The following DPP6 variants were observed in gnomAD, a reference collection of about 807,000 sequenced individuals.
DPP6 encodes the protein dipeptidyl peptidase like 6, also known as A-type potassium channel modulatory protein DPP6.
A neutral mutation model predicts 122.6 loss-of-function variants in DPP6; 69 were observed. The ratio of observed to expected loss-of-function variants is 0.56; its 90% CI spans 0.46 to 0.69. The LOEUF is 0.69. DPP6 is among the 30% of genes least tolerant of loss of function. DPP6 has a pLI of 0.00. For synonymous variants in DPP6, 418 were observed against 433.1 expected, an observed-to-expected ratio of 0.97 and a Z score of 0.43; for missense variants, 928 against 1,116.9, an observed-to-expected ratio of 0.83 and a Z score of 2.41.
intron 1 of DPP6, among the ~76,000 whole-genome samples, chr7:153,919,820 AT>A (rs1211300905): frequency 6.6e-6 from 1 of 152,184 alleles, no homozygotes; most frequent in African/African-American, 2.4e-5. Flanking sequence ...TGTATTTTAG[AT>A]TGGGGAAATC....
At chr7:154,643,763 T>G (rs1836266852) in intron 6 of DPP6, among the ~76,000 whole-genome samples, 1 of 152,176 alleles carries the variant, frequency 6.6e-6, no homozygotes, top group African/African-American at 2.4e-5. Context: ...GTGAGGATTT[T>G]TAACACTACC....
intron 23 of DPP6, among the ~76,000 whole-genome samples, chr7:154,888,087 CTTTT>C (rs532540671): frequency 8.4e-6 from 1 of 118,936 alleles, no homozygotes; most frequent in Non-Finnish European, 1.7e-5. Context: ...GGAGAGTGAG[CTTTT>C]TTTTTTTTTT....
intron 3 of DPP6, among the ~76,000 whole-genome samples, chr7:154,498,373 C>T (rs1054714811): frequency 6.6e-6 from 1 of 152,190 alleles, no homozygotes; most frequent in Admixed American, 6.5e-5. Context: ...GAGTCTCGCT[C>T]TCTCACCTAG....
chr7:154,474,698 C>A (rs764686519), intron 2 of DPP6, among the ~76,000 whole-genome samples: 17 of 152,284 alleles, frequency 1.1e-4, no homozygotes, highest in Non-Finnish European at 1.9e-4. Flanking sequence ...TGATCACTTA[C>A]ATGCTGCAGG....
intron 10 of DPP6, among the ~76,000 whole-genome samples, chr7:154,778,767 C>T (rs1179218481): frequency 6.6e-6 from 1 of 150,416 alleles, no homozygotes; most frequent in Non-Finnish European, 1.5e-5. Context: ...ACCACCAGCT[C>T]CACCACCATC....
intron 1 of DPP6, among the ~76,000 whole-genome samples, chr7:153,999,131 T>C (rs1449184171): frequency 6.6e-6 from 1 of 152,186 alleles, no homozygotes; most frequent in African/African-American, 2.4e-5. Context: ...TGGGCACCAC[T>C]TGAGTTGAGT....
intron 1 of DPP6, among the ~76,000 whole-genome samples, chr7:154,061,299 C>T (rs573569516): frequency 1.3e-5 from 2 of 148,914 alleles, no homozygotes; most frequent in African/African-American, 4.9e-5. Flanking sequence ...AGAAAATCTT[C>T]TGGCAGCCCC....
rs114869026 is a variant in DPP6 at position 154,823,010 on chromosome 7, A to G, written c.1666+15898A>G. 8.3e-3 allele frequency among the ~76,000 whole-genome samples: 1,263 copies of G among 152,282 alleles called. 21 individuals are homozygous for G. The highest frequency in any genetic ancestry group is 0.029 in the African/African-American group (1,186 of 41,554). On this transcript the variant is annotated intron_variant, in intron 16 of 25. Transcript: ENST00000377770. ...AATAAAAGCTGCACTACCATACTAT[A>G]CTTTGGGGCCAATGCAGACCTAGGT...
the DPP6 span, among the ~76,000 whole-genome samples, chr7:153,818,489 T>C: frequency 1.3e-5 from 2 of 152,124 alleles, no homozygotes; most frequent in Non-Finnish European, 2.9e-5. Flanking sequence ...GATGATATTA[T>C]AGACTACTAC....
intron 1 of DPP6, among the ~76,000 whole-genome samples, chr7:154,253,221 GCAA>G (rs143303547): frequency 0.039 from 5,925 of 152,222 alleles, 187 homozygotes; most frequent in East Asian, 0.13. Flanking sequence ...AGAAAAGAGG[GCAA>G]CAAGTCAGCT....
rs139345576 is a variant in DPP6 at position 154,474,956 on chromosome 7, T to C, written c.376T>C (p.Ser126Pro). 6 of 1,613,574 alleles carry C rather than the reference T, an allele frequency of 3.7e-6. No homozygotes were observed. The highest frequency in any genetic ancestry group is 1.1e-5 in the South Asian group (1 of 91,058). The change falls in exon 3 of 26, where the codon TCT becomes CCT. Residue 126 changes from serine (S) to proline (P), a missense_variant. Transcript: ENST00000377770. ...LLTPAEDNSL[S>P]QKKKVTVEDL... ...TTTTCTAGCGGAAGATAATAGTCTG[T>C]CTCAAAAGAAGAAGGTCACTGTAGA... is the stretch of plus-strand genomic sequence containing the variant.
rs377087718 is a variant in DPP6, at chr7:154,604,361, C to T, written c.628-33460C>T. ...TCTTTGCACCTGATATGGTCAGTCCCTTCTAATTCTCTTCTTTAAAAATTG... is the reference window on the plus strand; with the variant it reads ...TCTTTGCACCTGATATGGTCAGTCCTTTCTAATTCTCTTCTTTAAAAATTG... On this transcript the variant is annotated intron_variant, in intron 5 of 25. Transcript: ENST00000377770. 3.2e-4 allele frequency among the ~76,000 whole-genome samples: 39 copies of T among 120,544 alleles called. 6 individuals are homozygous for T. The highest frequency in any genetic ancestry group is 8.4e-3 in the Middle Eastern group (2 of 238). The allele number at this position is 120,544 out of a possible 152,430, so 79.1% of individuals were successfully genotyped here.
At chr7:154,008,658 CT>C (rs57634994) in intron 1 of DPP6, among the ~76,000 whole-genome samples, 16,050 of 101,568 alleles carry the variant, frequency 0.16, 395 homozygotes, top group African/African-American at 0.23. Context: ...TATTTCTTTT[CT>C]TTTTTTTTTT....
At position 154,572,973 on chromosome 7, in the gene DPP6, C is replaced by T. The variant is rs184395810; in HGVS notation, c.627+6057C>T. Among the ~76,000 whole-genome samples the T allele has an allele frequency of 2.2e-3, 328 of 152,284 alleles. 1 individual carries two copies. Among genetic ancestry groups the T allele is most frequent in the African/African-American group, 7.5e-3 (313 of 41,562 alleles). On this transcript the variant is annotated intron_variant, in intron 5 of 25. Coordinates refer to ENST00000377770, the MANE Select transcript of DPP6 (RefSeq NM_130797.4). ...GGGGTTACAGGGGTGAGCCACCACA[C>T]CTGGCCAATTCTGAGTATATGAGTT...
intron 1 of DPP6, among the ~76,000 whole-genome samples, chr7:154,078,530 A>G (rs559135733): frequency 3.2e-4 from 49 of 152,230 alleles, no homozygotes; most frequent in Middle Eastern, 3.4e-3. Flanking sequence ...TCCCAAGCTC[A>G]TTTAGTGACA....
rs372428416 is a variant in DPP6, at chr7:154,516,487, C to T, written c.458-24045C>T. Among the ~76,000 whole-genome samples, 12 of 152,202 alleles carry T rather than the reference C, an allele frequency of 7.9e-5. No homozygotes were observed. The South Asian group carries it at 2.3e-3, about 29-fold the overall frequency. On this transcript the variant is annotated intron_variant, in intron 3 of 25. Coordinates refer to ENST00000377770, the MANE Select transcript of DPP6 (RefSeq NM_130797.4). ...CATGCACTGACTCAAGAAAATGTGA[C>T]GTATAATCATGAAAGACATATATTA...
At chr7:153,865,160 T>C in the DPP6 span, among the ~76,000 whole-genome samples, 1 of 152,204 alleles carries the variant, frequency 6.6e-6, no homozygotes, top group African/African-American at 2.4e-5. Context: ...TATTATATTA[T>C]ATATACAGGA....
At position 154,249,935 on chromosome 7, in the gene DPP6, C is replaced by G. The variant is rs145246115; in HGVS notation, c.244-196279C>G. ...AACTAAAAGGCAGAAATGAAATCCA[C>G]AGGCAGACAGCCTGGTACCACACCC... On this transcript the variant is annotated intron_variant, in intron 1 of 25. Transcript: ENST00000377770. Among the ~76,000 whole-genome samples the G allele has an allele frequency of 6.9e-3, 1,046 of 152,304 alleles. 10 individuals carry two copies. Among genetic ancestry groups the G allele is most frequent in the Non-Finnish European group, 0.011 (730 of 68,030 alleles).
rs1477045091 is a variant in DPP6, at chr7:153,898,452, T to TA, written c.51+10725dup. ...GGGTGACAGAGTGAGACCTTGTCTG[T>TA]AAAAAAATAATAATAATTAGAAGAG... On this transcript the variant is annotated intron_variant, in intron 1 of 25. Transcript: ENST00000404039. Among the ~76,000 whole-genome samples the TA allele has an allele frequency of 5.9e-5, 9 of 152,024 alleles. 1 individual carries two copies. The East Asian group carries it at 1.5e-3, about 26-fold the overall frequency.
Sources: allele counts gnomAD v4.1 joint callset (sites outside exome capture counted in the v4.1 genomes callset), GRCh38; gene constraint gnomAD v4.1.1; transcripts MANE v1.5; gene names NCBI Gene and HGNC (gene_info 2026-07-23, HGNC 2026-07-21).